Variants in PDLIM7 observed in about 807,000 individuals in gnomAD.
PDLIM7 encodes the protein PDZ and LIM domain 7.
A neutral mutation model predicts 53.9 loss-of-function variants in PDLIM7; 37 were observed. That is an observed-to-expected ratio of 0.69 (90% CI 0.53 to 0.90). The LOEUF (loss-of-function observed/expected upper bound fraction) is 0.90. PDLIM7 is among the 40% of genes least tolerant of loss of function. The probability of loss-of-function intolerance (pLI) is 0.00; values close to 1 mark genes in which losing one functional copy is unlikely to be tolerated. For synonymous variants in PDLIM7, 300 were observed against 261.3 expected (o/e 1.15, Z -1.43); for missense variants, 617 against 638.5 (o/e 0.97, Z 0.36).
Position 177,491,118 on chromosome 5 carries a change from C to A in PDLIM7, c.427G>T (p.Ala143Ser), listed in dbSNP as rs757400041. ...GQPLRPLVPDASKQRLMENTE... is the reference protein window; with the variant it reads ...GQPLRPLVPDSSKQRLMENTE... ...TTCTCCATCAGCCGCTGCTTGCTGGCATCTGGGACCAGCGGTCGGAGCGGC... is the reference window on the plus strand; with the variant it reads ...TTCTCCATCAGCCGCTGCTTGCTGGAATCTGGGACCAGCGGTCGGAGCGGC... Residue 143 changes from alanine (A) to serine (S), a missense_variant, in exon 6 of 13, where the codon GCC becomes TCC. Coordinates refer to ENST00000355841, the MANE Select transcript of PDLIM7 (RefSeq NM_005451.5). 3.1e-6 allele frequency: 5 copies of A among 1,608,606 alleles called. No individual in the cohort carries two copies. Among genetic ancestry groups the A allele is most frequent in the Non-Finnish European group, 3.4e-6 (4 of 1,177,280 alleles).
intron 10 of PDLIM7, among the ~76,000 whole-genome samples, chr5:177,486,780 T>TGCG (rs1561699623): frequency 4.8e-5 from 7 of 146,548 alleles, no homozygotes; most frequent in Non-Finnish European, 7.5e-5. Context: ...CTGGGACTAC[T>TGCG]CCACCATGCC....
At chr5:177,495,589 G>A (rs1759031081) in intron 2 of PDLIM7, among the ~76,000 whole-genome samples, 1 of 152,238 alleles carries the variant, frequency 6.6e-6, no homozygotes, top group Admixed American at 6.5e-5. Flanking sequence ...CCAGCTGAGA[G>A]GCCCACCAGT....
At chr5:177,492,087 T>C (rs1758826860) in intron 4 of PDLIM7, 162 bp from the exon 5 acceptor site, 1 of 421,298 alleles carries the variant, frequency 2.4e-6, no homozygotes, top group Non-Finnish European at 4.2e-6. Flanking sequence ...CGACTCAGGT[T>C]TCAAGGGGCC....
At chr5:177,489,701 A>G (rs894119716) in intron 8 of PDLIM7, 70 bp downstream of exon 8, 66 of 1,484,640 alleles carry the variant, frequency 4.4e-5, no homozygotes, top group Non-Finnish European at 5.6e-5. Context: ...GGCAGCTGAG[A>G]GAAGCCCACC....
chr5:177,485,801 A>T (rs1294467462), intron 10 of PDLIM7, among the ~76,000 whole-genome samples: 1 of 152,088 alleles, frequency 6.6e-6, no homozygotes, highest in South Asian at 2.1e-4. Context: ...CCTGGGCAAC[A>T]TAGCAAAACC....
intron 1 of PDLIM7, among the ~76,000 whole-genome samples, chr5:177,497,092 G>T (rs1759128388): frequency 6.7e-6 from 1 of 150,174 alleles, no homozygotes; most frequent in Non-Finnish European, 1.5e-5. Context: ...ACCAGTCGAG[G>T]CTGCTGGGAG....
In PDLIM7 at chr5:177,491,320, G is replaced by C. The variant is rs556230919; in HGVS notation, c.399-174C>G. 8.6e-6 allele frequency: 13 copies of C among 1,505,354 alleles called. No homozygotes were observed. In the East Asian group the frequency reaches 2.2e-4, roughly 25 times the overall value. 93.2% of individuals were successfully genotyped at this position (1,505,354 alleles called of 1,614,324 possible). Reference sequence around the variant, plus strand: ...AGAGGACAGGAGGGCGAAGTGGAGAGGAGGGCAGCCAGGGTGGGGAGGGGC... The same window carrying C: ...AGAGGACAGGAGGGCGAAGTGGAGACGAGGGCAGCCAGGGTGGGGAGGGGC... On this transcript the variant is annotated intron_variant, in intron 5 of 12. Transcript: ENST00000355841.
At chr5:177,496,229 T>TGG (rs1194259197) in intron 2 of PDLIM7, among the ~76,000 whole-genome samples, 188 bp downstream of exon 2, 1 of 152,064 alleles carries the variant, frequency 6.6e-6, no homozygotes, top group African/African-American at 2.4e-5. Flanking sequence ...GAAGCCTGGG[T>TGG]GCTCCCTCCC....
chr5:177,496,053 A>G (rs1317854901), intron 2 of PDLIM7, among the ~76,000 whole-genome samples: 3 of 152,046 alleles, frequency 2.0e-5, no homozygotes, highest in African/African-American at 7.2e-5. Context: ...GTGAAATCCT[A>G]TAGTCACAGT....
intron 5 of PDLIM7, 85 bp downstream of exon 5, chr5:177,491,722 G>T: frequency 1.3e-6 from 1 of 770,530 alleles, no homozygotes; most frequent in Non-Finnish European, 1.9e-6. Context: ...CTGGGGCGCA[G>T]CACAGACTGA....
At chr5:177,490,590 T>A in intron 7 of PDLIM7, 1 of 1,553,388 alleles carries the variant, frequency 6.4e-7, no homozygotes, top group Non-Finnish European at 8.7e-7. Context: ...GGACATACTT[T>A]TCCCTGAGGG....
intron 10 of PDLIM7, among the ~76,000 whole-genome samples, chr5:177,486,688 G>A (rs1758464013): frequency 6.6e-6 from 1 of 152,110 alleles, no homozygotes; most frequent in South Asian, 2.1e-4. Flanking sequence ...GCCCAGGCTG[G>A]AGTGCAGTGG....
At chr5:177,486,270 A>G (rs1758433978) in intron 10 of PDLIM7, among the ~76,000 whole-genome samples, 1 of 152,126 alleles carries the variant, frequency 6.6e-6, no homozygotes, top group Non-Finnish European at 1.5e-5. Context: ...AAAATGAAAC[A>G]GTGTGGGCCA....
At chr5:177,493,292 A>G (rs1021851594) in intron 2 of PDLIM7, among the ~76,000 whole-genome samples, 11 of 152,214 alleles carry the variant, frequency 7.2e-5, no homozygotes, top group African/African-American at 2.7e-4. Context: ...ATGGGACCTA[A>G]GTTGACAGCT....
At chr5:177,493,112 G>A (rs371704719) in intron 2 of PDLIM7, 4 of 181,866 alleles carry the variant, frequency 2.2e-5, no homozygotes, top group Admixed American at 5.5e-5. Context: ...TACCAGATAT[G>A]CCCTCTGGCC....
chr5:177,493,147 G>A (rs1438288598), intron 2 of PDLIM7, among the ~76,000 whole-genome samples: 5 of 152,118 alleles, frequency 3.3e-5, no homozygotes, highest in African/African-American at 7.2e-5. Flanking sequence ...CTTCCTCCCC[G>A]AAACCACCGG....
chr5:177,486,224 ATCT>A (rs1254532329), intron 10 of PDLIM7, among the ~76,000 whole-genome samples: 7 of 151,920 alleles, frequency 4.6e-5, no homozygotes, highest in Admixed American at 2.6e-4. Context: ...ATGCAGGCAA[ATCT>A]TCTGATTTTT....
intron 7 of PDLIM7, chr5:177,490,520 G>A: frequency 6.4e-7 from 1 of 1,563,736 alleles, no homozygotes; most frequent in Non-Finnish European, 8.7e-7. Flanking sequence ...TTGAGCACGT[G>A]GGCAGAGCGC....
At chr5:177,483,820 A>G in intron 12 of PDLIM7, 47 bp downstream of exon 12, 1 of 1,595,290 alleles carries the variant, frequency 6.3e-7, no homozygotes, top group Non-Finnish European at 8.6e-7. Flanking sequence ...GGGAATGAAC[A>G]GAGGGCCGGT....
Sources: allele counts gnomAD v4.1 joint callset (sites outside exome capture counted in the v4.1 genomes callset), GRCh38; gene constraint gnomAD v4.1.1; transcripts MANE v1.5; gene names NCBI Gene and HGNC (gene_info 2026-07-23, HGNC 2026-07-21).